The following DMAP1 variants were observed in gnomAD, a reference collection of about 807,000 sequenced individuals.
DMAP1 encodes DNA methyltransferase 1-associated protein 1.
DMAP1 carries 26 observed loss-of-function variants against 52.7 expected under a neutral mutation model. The ratio of observed to expected loss-of-function variants is 0.49; its 90% CI spans 0.36 to 0.68. The LOEUF (loss-of-function observed/expected upper bound fraction) is 0.68. Ranked by LOEUF, DMAP1 falls within the 30% of genes least tolerant of loss-of-function variation. The pLI is 0.00. For synonymous variants in DMAP1, 231 were observed against 246.0 expected, an observed-to-expected ratio of 0.94 and a Z score of 0.57; for missense variants, 439 against 625.2, an observed-to-expected ratio of 0.70 and a Z score of 3.18.
intron 3 of DMAP1, chr1:44,215,224 C>T (rs1442701966): frequency 6.0e-6 from 3 of 497,764 alleles, no homozygotes; most frequent in Non-Finnish European, 7.8e-6. Context: ...CTTCAGTTAC[C>T]CTCTCTACAA....
intron 2 of DMAP1, 127 bp downstream of exon 2, chr1:44,214,568 A>G (rs1477166500): frequency 3.1e-6 from 5 of 1,612,416 alleles, no homozygotes; most frequent in South Asian, 1.1e-5. Context: ...AGCAGGATGC[A>G]GGAGGACCTG....
intron 7 of DMAP1, 54 bp downstream of exon 7, chr1:44,219,531 C>T (rs1400679962): frequency 5.4e-6 from 8 of 1,493,724 alleles, no homozygotes; most frequent in Non-Finnish European, 6.3e-6. Flanking sequence ...GCTCTGGGCT[C>T]CATGTGTCCC....
rs2154314362 is a variant in DMAP1, at chr1:44,218,839, C to T, written c.720+84C>T. 2 of 1,519,394 alleles carry T rather than the reference C, an allele frequency of 1.3e-6. No homozygotes were observed. The highest frequency in any genetic ancestry group is 1.8e-4 in the Middle Eastern group (1 of 5,612). The allele number at this position is 1,519,394 out of a possible 1,614,324, so 94.1% of individuals were successfully genotyped here. A position where few individuals can be genotyped will look rare whatever the true frequency, so the allele number is the denominator to read the frequency against. ...ATCCTCCATCCCCTCAACTCCCACT[C>T]CCAGGTCCCCCTGCCTCCCACTGAT... On this transcript the variant is annotated intron_variant, in intron 5 of 9. Transcript: ENST00000372289. The surrounding 1 kb of genome is among the most constrained non-coding windows in gnomAD (Gnocchi z 5.6).
At position 44,220,068 on chromosome 1, in the gene DMAP1, G is replaced by A. The variant is rs767182825; in HGVS notation, c.1103G>A (p.Arg368Gln). 3 of 1,607,732 alleles carry A rather than the reference G, an allele frequency of 1.9e-6. No individual in the cohort carries two copies. The highest frequency in any genetic ancestry group is 1.7e-6 in the Non-Finnish European group (2 of 1,175,514). The change falls in exon 9 of 10, where the codon CGA becomes CAA. Residue 368 changes from arginine (R) to glutamine (Q), a missense_variant. This residue lies in a region of DMAP1 where 179 missense variants were observed against 285.9 expected (regional missense o/e 0.63). Coordinates refer to ENST00000372289, the MANE Select transcript of DMAP1 (RefSeq NM_019100.5). ...CTGGTGCACATGTTCAATGAGCTGC[G>A]AAGCGACCTGGTGCTGCTCTACGAG... is the stretch of plus-strand genomic sequence containing the variant. ...EELVHMFNELRSDLVLLYELK... is the reference protein window; with the variant it reads ...EELVHMFNELQSDLVLLYELK...
Position 44,219,183 on chromosome 1 carries a change from G to C in DMAP1, c.848G>C (p.Arg283Pro). Residue 283 changes from arginine to proline, a missense_variant, in exon 6 of 10, where the codon CGC (arginine) becomes CCC (proline). Around this residue, in one of 3 missense-constraint regions of DMAP1, gnomAD observed 179 missense variants for 285.9 expected, o/e 0.63. Transcript: ENST00000372289. ...TAADTTAEQR[R>P]TERKAPKKKL... ...GCAGACACCACTGCAGAGCAGCGGC[G>C]CACGGAACGCAAGGCCCCCAAAAAG... 6.2e-7 allele frequency: 1 copy of C among 1,614,148 alleles called. No individual in the cohort carries two copies. Among genetic ancestry groups the C allele is most frequent in the Non-Finnish European group, 8.5e-7 (1 of 1,180,036 alleles).
chr1:44,216,012 A>G (rs1457241853), intron 3 of DMAP1: 2 of 152,228 alleles, frequency 1.3e-5, no homozygotes, highest in Non-Finnish European at 2.9e-5. Flanking sequence ...CACTTGTTAT[A>G]CCCTATGTAT....
chr1:44,220,349 G>A, intron 9 of DMAP1, 40 bp downstream of exon 9: 1 of 1,523,810 alleles, frequency 6.6e-7, no homozygotes, highest in East Asian at 2.3e-5. Flanking sequence ...CCTGGGCCCT[G>A]CGAGTGAGCA....
At chr1:44,217,661 G>A (rs1643821625) in intron 3 of DMAP1, 1 of 163,266 alleles carries the variant, frequency 6.1e-6, no homozygotes, top group Non-Finnish European at 1.4e-5. Flanking sequence ...TTTGGAGCTG[G>A]TTGTGGTCTT....
rs1008027822 is a variant in DMAP1, at chr1:44,217,818, T to A, written c.394-493T>A. The A allele has an allele frequency of 3.1e-5, 7 of 225,846 alleles. No homozygotes were observed. The South Asian group carries it at 4.9e-4, about 16-fold the overall frequency. 14.0% of individuals were successfully genotyped at this position (225,846 alleles called of 1,614,324 possible). A position where few individuals can be genotyped will look rare whatever the true frequency, so the allele number is the denominator to read the frequency against. ...AGGGGCATTGGCAGGGCTGCGTATG[T>A]TGGTAGTAGGATTCAGGCCCAGCTT... On this transcript the variant is annotated intron_variant, in intron 3 of 9. Coordinates refer to ENST00000372289, the MANE Select transcript of DMAP1 (RefSeq NM_019100.5).
intron 1 of DMAP1, 145 bp downstream of exon 1, chr1:44,214,003 C>T (rs74615948): frequency 0.04 from 31,097 of 784,422 alleles, 733 homozygotes; most frequent in African/African-American, 0.065. Flanking sequence ...GAATATGTGT[C>T]ATCCTTGATG....
Position 44,218,606 on chromosome 1 carries a change from C to G in DMAP1, c.571C>G (p.Leu191Val). Residue 191 changes from leucine (L) to valine (V), a missense_variant, in exon 5 of 10, where the codon CTG becomes GTG. Leu to Val is a conservative substitution (Grantham distance 32). Transcript: ENST00000372289. The surrounding 1 kb of genome is among the most constrained non-coding windows in gnomAD (Gnocchi z 5.6). ...QQFKKRSVED[L>V]KERYYHICAK... ...TCCTCAGAAGCGTTCTGTGGAAGAC[C>G]TGAAGGAGCGGTACTACCACATCTG... 3.7e-6 allele frequency: 6 copies of G among 1,611,626 alleles called. No homozygotes were observed. The highest frequency in any genetic ancestry group is 5.1e-6 in the Non-Finnish European group (6 of 1,178,026).
chr1:44,213,744 C>T lies in DMAP1; in HGVS notation c.-10C>T. On this transcript the variant is annotated 5_prime_UTR_variant, in exon 1 of 10. Transcript: ENST00000372289. This position sits in a 1 kb window ranked among gnomAD's most constrained non-coding sequence, Gnocchi z 4.5. ...TTGACCTCCGGTGGCTCCCCCATCT[C>T]TCAGGCGCGATGGCTACGGGCGCGG... 1 of 1,568,440 alleles carries T rather than the reference C, an allele frequency of 6.4e-7. No individual in the cohort carries two copies. Among genetic ancestry groups the T allele is most frequent in the Non-Finnish European group, 8.6e-7 (1 of 1,157,138 alleles).
rs372606488 is a variant in DMAP1 at position 44,220,228 on chromosome 1, G to A, written c.1263G>A (p.Pro421=). 1.4e-5 allele frequency: 23 copies of A among 1,587,854 alleles called. No homozygotes were observed. Among genetic ancestry groups the A allele is most frequent in the East Asian group, 4.5e-5 (2 of 44,268 alleles). ...ASGPGPASAE[P]AVTEPGLGPD... ...GCCCAGGCCCGGCCTCTGCTGAGCCGGCAGTGACTGAACCCGGACTTGGTC... is the reference window on the plus strand; with the variant it reads ...GCCCAGGCCCGGCCTCTGCTGAGCCAGCAGTGACTGAACCCGGACTTGGTC... Residue 421 remains proline, a synonymous_variant, in exon 9 of 10, where the codon CCG becomes CCA. Coordinates refer to ENST00000372289, the MANE Select transcript of DMAP1 (RefSeq NM_019100.5).
At position 44,219,166 on chromosome 1, in the gene DMAP1, C is replaced by T. The variant is rs1291358349; in HGVS notation, c.831C>T (p.Thr277=). The change falls in exon 6 of 10, where the codon ACC becomes ACT. Residue 277 remains threonine (T), a synonymous_variant. Coordinates refer to ENST00000372289, the MANE Select transcript of DMAP1 (RefSeq NM_019100.5). ...AGAAGCTGATCACAGCGGCAGACACCACTGCAGAGCAGCGGCGCACGGAAC... is the reference window on the plus strand; with the variant it reads ...AGAAGCTGATCACAGCGGCAGACACTACTGCAGAGCAGCGGCGCACGGAAC... The part of the protein sequence containing the change: ...DLQKLITAAD[T]TAEQRRTERK... 1 of 1,614,194 alleles carries T rather than the reference C, an allele frequency of 6.2e-7. No individual in the cohort carries two copies. Among genetic ancestry groups the T allele is most frequent in the Admixed American group, 1.7e-5 (1 of 60,028 alleles).
At chr1:44,214,522 A>G (rs1643748307) in intron 2 of DMAP1, 81 bp downstream of exon 2, 2 of 1,612,988 alleles carry the variant, frequency 1.2e-6, no homozygotes, top group South Asian at 2.2e-5. Context: ...TTTCTCTAAC[A>G]ATTTTCTCCT....
chr1:44,218,380 GCAGAAA>G lies in DMAP1; in HGVS notation c.465_470del (p.Glu156_Thr157del). The G allele has an allele frequency of 6.2e-7, 1 of 1,614,214 alleles. No homozygotes were observed. The highest frequency in any genetic ancestry group is 1.1e-5 in the South Asian group (1 of 91,090). On this transcript the variant is annotated inframe_deletion, in exon 4 of 10. Coordinates refer to ENST00000372289, the MANE Select transcript of DMAP1 (RefSeq NM_019100.5). The surrounding 1 kb of genome is among the most constrained non-coding windows in gnomAD (Gnocchi z 5.6). Reference sequence around the variant, plus strand: ...TCTCCACGATGATGCTTGGACTAAGGCAGAAACTGACCACCTCTTTGACCTCAGCCG... The same window carrying G: ...TCTCCACGATGATGCTTGGACTAAGGCTGACCACCTCTTTGACCTCAGCCG...
At chr1:44,215,436 G>A (rs1204775324) in intron 3 of DMAP1, 1 of 431,794 alleles carries the variant, frequency 2.3e-6, no homozygotes, top group African/African-American at 2.0e-5. Flanking sequence ...TTGGGGGATC[G>A]TCCTTGACTT....
rs201151814 is a variant in DMAP1, at chr1:44,220,313, A to G, written c.1344+4A>G. ...CGCACCCCTCACGCCCAATTCGGTAAGAGTCTGGACAGGCTGGGAGGCACG... is the reference window on the plus strand; with the variant it reads ...CGCACCCCTCACGCCCAATTCGGTAGGAGTCTGGACAGGCTGGGAGGCACG... On this transcript the variant is annotated splice_donor_region_variant and intron_variant, in intron 9 of 9. Transcript: ENST00000372289. The G allele has an allele frequency of 1.5e-4, 235 of 1,540,762 alleles. No homozygotes were observed. The highest frequency in any genetic ancestry group is 2.0e-4 in the Non-Finnish European group (224 of 1,140,012).
At position 44,219,090 on chromosome 1, in the gene DMAP1, G is replaced by A; in HGVS notation, c.755G>A (p.Arg252His). 5 of 1,614,136 alleles carry A rather than the reference G, an allele frequency of 3.1e-6. No individual in the cohort carries two copies. The highest frequency in any genetic ancestry group is 4.2e-6 in the Non-Finnish European group (5 of 1,180,020). The change falls in exon 6 of 10, where the codon CGC becomes CAC. Residue 252 changes from arginine to histidine, a missense_variant. By Grantham distance (29) the Arg-to-His change is conservative. Around this residue, in one of 3 missense-constraint regions of DMAP1, gnomAD observed 142 missense variants for 149.5 expected, o/e 0.95. Transcript: ENST00000372289. ...AEEEYLLQEL[R>H]KIEARKKERE... The stretch of plus-strand genomic sequence containing the variant: ...GAGGAGTACCTGCTACAGGAGCTGC[G>A]CAAGATTGAGGCCCGGAAGAAGGAG...
Sources: allele counts gnomAD v4.1 joint callset, GRCh38; gene constraint gnomAD v4.1.1; regional missense constraint gnomAD v4.1.1; non-coding constraint Gnocchi (gnomAD v3.1); transcripts MANE v1.5; gene names NCBI Gene and HGNC (gene_info 2026-07-23, HGNC 2026-07-21).